Variants in TMEM165 observed in about 807,000 individuals in gnomAD.
TMEM165 encodes putative divalent cation/proton antiporter TMEM165.
In TMEM165, 19 loss-of-function variants were observed where a neutral mutation model predicts 30.0. The observed-to-expected ratio is 0.63, with a 90% CI of 0.44 to 0.93. TMEM165 has a LOEUF of 0.93. Among genes scored for constraint, TMEM165 ranks in the 40% least tolerant of loss-of-function variants. The pLI is 0.00. For missense variants in TMEM165, 340 were observed against 417.0 expected (o/e 0.82, Z 1.61); for synonymous variants, 168 against 162.9 (o/e 1.03, Z -0.24).
At chr4:55,404,864 T>A (rs1233801457) in intron 1 of TMEM165, among the ~76,000 whole-genome samples, 2 of 152,224 alleles carry the variant, frequency 1.3e-5, no homozygotes, top group African/African-American at 4.8e-5. Flanking sequence ...GGCAGAATAA[T>A]GAAGCCCGTT....
chr4:55,397,808 C>T (rs1334830345), intron 1 of TMEM165, among the ~76,000 whole-genome samples: 1 of 151,970 alleles, frequency 6.6e-6, no homozygotes, highest in East Asian at 1.9e-4. Flanking sequence ...GTGCAGTGGC[C>T]CCGTCTTGGC....
intron 3 of TMEM165, among the ~76,000 whole-genome samples, chr4:55,437,573 C>T (rs1038224616): frequency 1.3e-5 from 2 of 152,168 alleles, no homozygotes; most frequent in African/African-American, 4.8e-5. Context: ...GTCAATATAG[C>T]GGTCACAAAT....
intron 1 of TMEM165, among the ~76,000 whole-genome samples, chr4:55,406,882 GA>G (rs1302818939): frequency 1.3e-5 from 2 of 152,080 alleles, no homozygotes; most frequent in Admixed American, 6.6e-5. Flanking sequence ...GGCTGGTCTT[GA>G]ACTCCTGGGC....
At position 55,411,742 on chromosome 4, in the gene TMEM165, G is replaced by A. The variant is rs547233788; in HGVS notation, c.336G>A (p.Lys112=). ...TTATTGTATCTGAATTGGGTGATAAGACATTTTTTATAGCAGCCATCATGG... is the reference window on the plus strand; with the variant it reads ...TTATTGTATCTGAATTGGGTGATAAAACATTTTTTATAGCAGCCATCATGG... ...SVIIVSELGD[K]TFFIAAIMAM... The change falls in exon 2 of 6, where the codon AAG becomes AAA. Residue 112 remains lysine, a synonymous_variant. Transcript: ENST00000381334. The A allele has an allele frequency of 8.7e-6, 14 of 1,614,144 alleles. No individual in the cohort carries two copies. Among genetic ancestry groups the A allele is most frequent in the Non-Finnish European group, 1.2e-5 (14 of 1,180,020 alleles).
At chr4:55,416,775 G>T in intron 2 of TMEM165, 1 of 214,008 alleles carries the variant, frequency 4.7e-6, no homozygotes, top group Non-Finnish European at 9.2e-6. Flanking sequence ...GCCAGCCTCT[G>T]ACTGAACATG....
intron 3 of TMEM165, among the ~76,000 whole-genome samples, chr4:55,447,780 T>C (rs1005421747): frequency 6.6e-6 from 1 of 152,224 alleles, no homozygotes; most frequent in Admixed American, 6.5e-5. Context: ...TTTTTAAAAA[T>C]ATTGTTTTCA....
At chr4:55,448,590 GCGCA>G (rs201717317) in intron 3 of TMEM165, among the ~76,000 whole-genome samples, 75 of 81,012 alleles carry the variant, frequency 9.3e-4, no homozygotes, top group East Asian at 4.0e-3. Context: ...ATGTGCGCGC[GCGCA>G]CGCGCGCGTG....
downstream of TMEM165, chr4:55,429,304 T>TG (rs1722367614): frequency 6.6e-6 from 1 of 152,230 alleles, no homozygotes; most frequent in Admixed American, 6.5e-5. Flanking sequence ...TGACGTGCTT[T>TG]AACTACCGTT....
At chr4:55,436,610 A>C (rs1407178290) in intron 3 of TMEM165, among the ~76,000 whole-genome samples, 1 of 152,204 alleles carries the variant, frequency 6.6e-6, no homozygotes, top group Non-Finnish European at 1.5e-5. Flanking sequence ...AACATGCACA[A>C]ACACACACAC....
chr4:55,435,409 C>T (rs1560409143), intron 3 of TMEM165: 15 of 1,613,820 alleles, frequency 9.3e-6, no homozygotes, highest in Non-Finnish European at 1.1e-5. Context: ...AGAGGAAGCA[C>T]GTGTGCTACT....
intron 3 of TMEM165, among the ~76,000 whole-genome samples, chr4:55,447,278 C>T (rs1263976530): frequency 2.0e-5 from 3 of 151,978 alleles, no homozygotes; most frequent in East Asian, 1.9e-4. Flanking sequence ...GAGGCGGGAT[C>T]GCCTGAGCTC....
Position 55,438,327 on chromosome 4 carries a change from T to A in TMEM165, c.408+13684T>A, listed in dbSNP as rs182492164. The A allele has an allele frequency of 2.4e-5, 39 of 1,614,122 alleles. No individual in the cohort carries two copies. In the East Asian group the frequency reaches 7.8e-4, roughly 32 times the overall value. On this transcript the variant is annotated intron_variant, in intron 3 of 3. Coordinates refer to the TMEM165 transcript ENST00000608091. Reference sequence around the variant, plus strand: ...GCTGGGTCAGCTGAGCCTGAGATGGTTGCTGAACTGAAGTGAGCTGCTGCT... The same window carrying A: ...GCTGGGTCAGCTGAGCCTGAGATGGATGCTGAACTGAAGTGAGCTGCTGCT...
intron 3 of TMEM165, among the ~76,000 whole-genome samples, chr4:55,448,594 A>ACACG (rs1553891180): frequency 4.9e-5 from 4 of 81,342 alleles, no homozygotes; most frequent in Admixed American, 1.4e-4. Flanking sequence ...GCGCGCGCGC[A>ACACG]CGCGCGCGTG....
In TMEM165 at chr4:55,442,416, G is replaced by C. The variant is rs762458961; in HGVS notation, c.409-9823G>C. The stretch of plus-strand genomic sequence containing the variant: ...GTTTACAATTTTAAAAATAACAAAT[G>C]AAATATGACAACTACCTTATCTGCC... On this transcript the variant is annotated intron_variant, in intron 3 of 3. Coordinates refer to the TMEM165 transcript ENST00000608091. The C allele has an allele frequency of 5.0e-6, 8 of 1,600,586 alleles. No individual in the cohort carries two copies. The Admixed American group carries it at 1.3e-4, about 27-fold the overall frequency.
intron 3 of TMEM165, among the ~76,000 whole-genome samples, chr4:55,438,977 CA>C (rs1176346322): frequency 6.6e-6 from 1 of 152,172 alleles, no homozygotes; most frequent in Non-Finnish European, 1.5e-5. Flanking sequence ...ACCAAAAGTA[CA>C]GGCAACAAAA....
rs1217133581 is a variant in TMEM165, at chr4:55,414,443, C to CT, written c.433+2613dup. Among the ~76,000 whole-genome samples the CT allele has an allele frequency of 6.6e-5, 10 of 151,186 alleles. No individual in the cohort carries two copies. In the South Asian group the frequency reaches 1.3e-3, roughly 19 times the overall value. ...TTATTTAGTTTTATAGATTTAACCACTTTTTTTTTATACTTTATGTTCTGG... is the reference window on the plus strand; with the variant it reads ...TTATTTAGTTTTATAGATTTAACCACTTTTTTTTTTATACTTTATGTTCTGG... On this transcript the variant is annotated intron_variant, in intron 2 of 5. Transcript: ENST00000381334.
chr4:55,437,916 T>C (rs1723017487), intron 3 of TMEM165, among the ~76,000 whole-genome samples: 1 of 152,028 alleles, frequency 6.6e-6, no homozygotes, highest in African/African-American at 2.4e-5. Flanking sequence ...TAAAAAGAAA[T>C]CCCTGCTCTG....
intron 3 of TMEM165, among the ~76,000 whole-genome samples, chr4:55,451,438 T>C (rs1005327905): frequency 2.0e-5 from 3 of 152,158 alleles, no homozygotes; most frequent in Admixed American, 6.5e-5. Context: ...CCTCTTAATA[T>C]TGGAGTGCTC....
intron 1 of TMEM165, among the ~76,000 whole-genome samples, chr4:55,409,006 C>T (rs1284773082): frequency 6.6e-6 from 1 of 151,508 alleles, no homozygotes; most frequent in African/African-American, 2.4e-5. Flanking sequence ...GCTCCATCAC[C>T]CAGGCTGGAG....
Sources: gnomAD v4.1 joint callset for allele counts (sites outside exome capture counted in the v4.1 genomes callset) on GRCh38, gnomAD v4.1.1 for gene constraint, MANE v1.5 for transcripts, NCBI Gene and HGNC (gene_info 2026-07-23, HGNC 2026-07-21) for gene names.